Variants in RXRA observed in about 807,000 individuals in gnomAD.
RXRA encodes the protein retinoid X receptor alpha.
Under a neutral mutation model 44.5 loss-of-function variants are expected in RXRA, and 5 were observed. The ratio of observed to expected loss-of-function variants is 0.11; its 90% confidence interval spans 0.06 to 0.24. RXRA has a LOEUF of 0.24. Among genes scored for constraint, RXRA ranks in the 10% least tolerant of loss-of-function variants. The pLI is 1.00. For missense variants in RXRA, 412 were observed against 646.5 expected (o/e 0.64, Z 3.93); for synonymous variants, 291 against 271.4 (o/e 1.07, Z -0.71).
chr9:134,327,076 C>A (rs1424171555), intron 1 of RXRA, among the ~76,000 whole-genome samples: 9 of 152,038 alleles, frequency 5.9e-5, no homozygotes, highest in Non-Finnish European at 1.2e-4. Context: ...GGGCCCCGAG[C>A]GGCCTCTGCG....
rs1030545870 is a variant in RXRA at position 134,426,611 on chromosome 9, C to T, written c.911-2497C>T. 1.1e-5 allele frequency: 11 copies of T among 985,320 alleles called. No homozygotes were observed. Among genetic ancestry groups the T allele is most frequent in the African/African-American group, 1.0e-4 (6 of 57,230 alleles). 61.0% of individuals were successfully genotyped at this position (985,320 alleles called of 1,614,324 possible). ...CTCAGCAGCGCCTTCTGACCCCAGCCGTGCACTAGGCCCCTCTGCTGGGCA... is the reference window on the plus strand; with the variant it reads ...CTCAGCAGCGCCTTCTGACCCCAGCTGTGCACTAGGCCCCTCTGCTGGGCA... On this transcript the variant is annotated intron_variant, in intron 6 of 9. Transcript: ENST00000481739. The surrounding 1 kb of genome is among the most constrained non-coding windows in gnomAD (Gnocchi z 4.6).
intron 6 of RXRA, chr9:134,423,901 C>G: frequency 4.6e-6 from 4 of 869,060 alleles, no homozygotes; most frequent in Non-Finnish European, 5.5e-6. Context: ...CCAGACCGAT[C>G]CAGAGAACAG....
In RXRA at chr9:134,426,507, T is replaced by C. The variant is rs573354412; in HGVS notation, c.911-2601T>C. On this transcript the variant is annotated intron_variant, in intron 6 of 9. Transcript: ENST00000481739. The surrounding 1 kb of genome is among the most constrained non-coding windows in gnomAD (Gnocchi z 4.6). ...GAGATGCAGCCGGCGTGCCGGAGGG[T>C]GCAGAGAGAGACTCCGCACTGTTCT... The C allele has an allele frequency of 2.8e-4, 279 of 985,122 alleles. No individual in the cohort carries two copies. In the African/African-American group the frequency reaches 4.6e-3, roughly 16 times the overall value. 61.0% of individuals were successfully genotyped at this position (985,122 alleles called of 1,614,324 possible).
chr9:134,347,461 C>T (rs781820042), intron 1 of RXRA, among the ~76,000 whole-genome samples: 11 of 152,178 alleles, frequency 7.2e-5, no homozygotes, highest in Non-Finnish European at 1.5e-4. Context: ...TGATGGGGGC[C>T]GCAGTGTCCG....
intron 4 of RXRA, among the ~76,000 whole-genome samples, chr9:134,410,003 C>A (rs1432483940): frequency 6.6e-6 from 1 of 152,216 alleles, no homozygotes; most frequent in Non-Finnish European, 1.5e-5. Flanking sequence ...CTGGTGGGGT[C>A]CCCAAACAGG....
At chr9:134,435,429 C>G (rs1453329027) in intron 9 of RXRA, among the ~76,000 whole-genome samples, 1 of 151,204 alleles carries the variant, frequency 6.6e-6, no homozygotes, top group Non-Finnish European at 1.5e-5. Context: ...GGAAACTCCC[C>G]AGGGATGGGC....
intron 1 of RXRA, among the ~76,000 whole-genome samples, chr9:134,377,181 C>T (rs887719232): frequency 6.6e-6 from 1 of 152,238 alleles, no homozygotes. Context: ...CATTCTCACC[C>T]TGTCTGTGCT....
chr9:134,340,869 C>T (rs539293189), intron 1 of RXRA, among the ~76,000 whole-genome samples: 3 of 152,314 alleles, frequency 2.0e-5, no homozygotes, highest in East Asian at 1.9e-4. Context: ...CAGTCACACA[C>T]GCTTTGGTGC....
chr9:134,363,335 C>T (rs909995986), intron 1 of RXRA, among the ~76,000 whole-genome samples: 5 of 152,236 alleles, frequency 3.3e-5, no homozygotes, highest in African/African-American at 9.6e-5. Flanking sequence ...GGGAGCCTGG[C>T]GGTGGGCCCT....
chr9:134,437,381 C>T lies in RXRA; in HGVS notation c.*767C>T, dbSNP rs926712558. 4.6e-5 allele frequency: 7 copies of T among 152,656 alleles called. No individual in the cohort carries two copies. Among genetic ancestry groups the T allele is most frequent in the African/African-American group, 1.7e-4 (7 of 41,458 alleles). 9.5% of individuals were successfully genotyped at this position (152,656 alleles called of 1,614,324 possible). On this transcript the variant is annotated 3_prime_UTR_variant, in exon 10 of 10. Transcript: ENST00000481739. ...TGCCTTGGTGTTCTGGTTTCAGACT[C>T]CCGACTCCCCGTTCAGACCAGAGTG...
intron 4 of RXRA, among the ~76,000 whole-genome samples, 196 bp downstream of exon 4, chr9:134,409,315 C>G (rs1831109780): frequency 6.6e-6 from 1 of 152,230 alleles, no homozygotes; most frequent in Non-Finnish European, 1.5e-5. Flanking sequence ...CACATGGGTC[C>G]TGGGCGGCAT....
chr9:134,345,690 G>A (rs1830141423), intron 1 of RXRA, among the ~76,000 whole-genome samples: 1 of 152,228 alleles, frequency 6.6e-6, no homozygotes. Context: ...AAGAGCCAAG[G>A]CAGGAGGGAG....
chr9:134,345,812 G>T (rs1554748715), intron 1 of RXRA, among the ~76,000 whole-genome samples: 1 of 152,184 alleles, frequency 6.6e-6, no homozygotes, highest in Non-Finnish European at 1.5e-5. Context: ...TGACTCTCTG[G>T]CCCGGCTCAT....
At chr9:134,421,571 G>A (rs977384128) in intron 5 of RXRA, 105 bp from the exon 6 acceptor site, 5 of 1,322,044 alleles carry the variant, frequency 3.8e-6, no homozygotes, top group Admixed American at 2.3e-5. Flanking sequence ...GCCGTATTCA[G>A]CGTCCTGCAT....
At chr9:134,326,896 G>GGGTGGCA (rs1834923164) in intron 1 of RXRA, among the ~76,000 whole-genome samples, 1 of 149,122 alleles carries the variant, frequency 6.7e-6, no homozygotes, top group Non-Finnish European at 1.5e-5. Context: ...GCCGGGGGGC[G>GGGTGGCA]GGTGGCAGGT....
rs536110520 is a variant in RXRA at position 134,365,285 on chromosome 9, G to A, written c.29-36347G>A. ...TCACAGCCCCAGCCTGCAGGCGCTC[G>A]AGCTGAAAGCCCTCGCCCCTCGTGG... On this transcript the variant is annotated intron_variant, in intron 1 of 9. Coordinates refer to ENST00000481739, the MANE Select transcript of RXRA (RefSeq NM_002957.6). This position sits in a 1 kb window ranked among gnomAD's most constrained non-coding sequence, Gnocchi z 4.0. 4.6e-5 allele frequency among the ~76,000 whole-genome samples: 7 copies of A among 152,350 alleles called. 1 individual carries two copies. Among genetic ancestry groups the A allele is most frequent in the Admixed American group, 1.3e-4 (2 of 15,302 alleles).
In RXRA at chr9:134,408,236, C is replaced by T; in HGVS notation, c.367C>T (p.Pro123Ser). 12 of 1,612,198 alleles carry T rather than the reference C, an allele frequency of 7.4e-6. No individual in the cohort carries two copies. Among genetic ancestry groups the T allele is most frequent in the Non-Finnish European group, 1.0e-5 (12 of 1,179,526 alleles). The change falls in exon 3 of 10, where the codon CCC becomes TCC. Residue 123 changes from proline (P) to serine (S), a missense_variant. By Grantham distance (74) the Pro-to-Ser change is moderately conservative (BLOSUM62 -1). Around this residue, in one of 4 missense-constraint regions of RXRA, gnomAD observed 156 missense variants for 177.2 expected, o/e 0.88. Transcript: ENST00000481739. ...LNGVLKVPAH[P>S]SGNMASFTKH... ...TGGCGTCCTCAAGGTCCCCGCCCACCCCTCAGGAAACATGGCTTCCTTCAC... is the reference window on the plus strand; with the variant it reads ...TGGCGTCCTCAAGGTCCCCGCCCACTCCTCAGGAAACATGGCTTCCTTCAC...
rs1373791260 is a variant in RXRA at position 134,437,793 on chromosome 9, T to A, written c.*1179T>A. 6 of 152,076 alleles carry A rather than the reference T, an allele frequency of 3.9e-5. No homozygotes were observed. In the East Asian group the frequency reaches 1.2e-3, roughly 30 times the overall value. The allele number at this position is 152,076 out of a possible 1,614,324, so 9.4% of individuals were successfully genotyped here. A position where few individuals can be genotyped will look rare whatever the true frequency, so the allele number is the denominator to read the frequency against. On this transcript the variant is annotated 3_prime_UTR_variant, in exon 10 of 10. Coordinates refer to ENST00000481739, the MANE Select transcript of RXRA (RefSeq NM_002957.6). ...ACTCTTGGAATCTGAGAACCCGGAG[T>A]CGCAGCGCCCTCGGGCCTGGGCCAC...
intron 1 of RXRA, among the ~76,000 whole-genome samples, chr9:134,334,870 G>T (rs973802869): frequency 6.6e-6 from 1 of 152,236 alleles, no homozygotes; most frequent in African/African-American, 2.4e-5. Flanking sequence ...GCCAGGGTGG[G>T]TGTGGGTCTG....
Sources: gnomAD v4.1 joint callset for allele counts (sites outside exome capture counted in the v4.1 genomes callset) on GRCh38, gnomAD v4.1.1 for gene constraint, gnomAD v4.1.1 regional missense constraint, Gnocchi (gnomAD v3.1) non-coding constraint, MANE v1.5 for transcripts, NCBI Gene and HGNC (gene_info 2026-07-23, HGNC 2026-07-21) for gene names.